The following DEPDC1B variants were observed in gnomAD, a reference collection of about 807,000 sequenced individuals.
The protein encoded by DEPDC1B is DEP domain containing 1B.
DEPDC1B carries 51 observed loss-of-function variants against 66.5 expected under a neutral mutation model. The ratio of observed to expected loss-of-function variants is 0.77; its 90% CI spans 0.61 to 0.97. The LOEUF (loss-of-function observed/expected upper bound fraction) is 0.97, where lower values mean the gene tolerates loss of function less well. Among genes scored for constraint, DEPDC1B ranks in the 50% least tolerant of loss-of-function variants. DEPDC1B has a pLI of 0.00. For missense variants in DEPDC1B, 552 were observed against 637.1 expected, an observed-to-expected ratio of 0.87 and a Z score of 1.44; for synonymous variants, 226 against 223.6, an observed-to-expected ratio of 1.01 and a Z score of -0.10.
chr5:60,660,270 G>C (rs1025958627), intron 2 of DEPDC1B, among the ~76,000 whole-genome samples: 2 of 148,624 alleles, frequency 1.3e-5, no homozygotes, highest in African/African-American at 5.0e-5. Context: ...GAGAGACAGA[G>C]AGAGAGACAG....
chr5:60,615,569 C>G (rs1752529263), intron 7 of DEPDC1B, among the ~76,000 whole-genome samples: 1 of 152,170 alleles, frequency 6.6e-6, no homozygotes, highest in Non-Finnish European at 1.5e-5. Context: ...AGTCTGAGAT[C>G]AAACTGCAAG....
intron 7 of DEPDC1B, among the ~76,000 whole-genome samples, chr5:60,634,675 A>AAAAAAAAT (rs376885269): frequency 2.0e-5 from 3 of 146,458 alleles, no homozygotes; most frequent in African/African-American, 5.1e-5. Flanking sequence ...CTGTCTCAAA[A>AAAAAAAAT]AAATAAATAA....
intron 7 of DEPDC1B, among the ~76,000 whole-genome samples, chr5:60,609,666 G>A (rs1215388269): frequency 6.6e-6 from 1 of 152,144 alleles, no homozygotes; most frequent in Admixed American, 6.5e-5. Context: ...TACTAGATTT[G>A]AACCACAGTT....
chr5:60,599,390 G>T, intron 9 of DEPDC1B, 130 bp from the exon 10 acceptor site: 1 of 541,396 alleles, frequency 1.8e-6, no homozygotes, highest in Non-Finnish European at 2.9e-6. Flanking sequence ...AAATTTGATT[G>T]GGGGAAACTC....
At chr5:60,619,476 G>C (rs1218327430) in intron 7 of DEPDC1B, among the ~76,000 whole-genome samples, 3 of 152,138 alleles carry the variant, frequency 2.0e-5, no homozygotes, top group African/African-American at 7.2e-5. Flanking sequence ...AAAATCACAA[G>C]CATTCTTATA....
chr5:60,655,112 T>G (rs1053267022), intron 2 of DEPDC1B, among the ~76,000 whole-genome samples: 1 of 149,266 alleles, frequency 6.7e-6, no homozygotes, highest in South Asian at 2.2e-4. Context: ...TTTCCTGGTT[T>G]GATATAAGGG....
chr5:60,700,166 C>A lies in DEPDC1B; in HGVS notation c.-73G>T, dbSNP rs771788331. On this transcript the variant is annotated 5_prime_UTR_variant, in exon 1 of 11. Transcript: ENST00000265036. ...CAGCCGGAGGAGCAGCAGTTTGAAT[C>A]CCAAGCCCGCGGGCTGCGGGCGCTG... 402 of 1,471,092 alleles carry A rather than the reference C, an allele frequency of 2.7e-4. 3 individuals carry two copies. The highest frequency in any genetic ancestry group is 6.6e-4 in the Admixed American group (28 of 42,142). The allele number at this position is 1,471,092 out of a possible 1,614,324, so 91.1% of individuals were successfully genotyped here. A position where few individuals can be genotyped will look rare whatever the true frequency, so the allele number is the denominator to read the frequency against.
At chr5:60,641,861 CT>C (rs1457359948) in intron 6 of DEPDC1B, among the ~76,000 whole-genome samples, 1 of 152,142 alleles carries the variant, frequency 6.6e-6, no homozygotes, top group African/African-American at 2.4e-5. Flanking sequence ...AACAGTTAAA[CT>C]CAGAGAACCT....
rs1396911057 is a variant in DEPDC1B at position 60,647,505 on chromosome 5, A to G, written c.343T>C (p.Tyr115His). The change falls in exon 3 of 11, where the codon TAT becomes CAT. Residue 115 changes from tyrosine (Y) to histidine (H), a missense_variant. Tyr to His is a moderately conservative substitution (Grantham distance 83). Coordinates refer to ENST00000265036, the MANE Select transcript of DEPDC1B (RefSeq NM_018369.3). ...TTTTGGTTTGGGGGCTTCTTTGGATATGGTTTCAGGGGTGAAGAAGGAGGA... is the reference window on the plus strand; with the variant it reads ...TTTTGGTTTGGGGGCTTCTTTGGATGTGGTTTCAGGGGTGAAGAAGGAGGA... ...RFPPSSPLKPYPKKPPNQKDV... is the reference protein window; with the variant it reads ...RFPPSSPLKPHPKKPPNQKDV... 3 of 1,612,944 alleles carry G rather than the reference A, an allele frequency of 1.9e-6. No homozygotes were observed. The highest frequency in any genetic ancestry group is 2.5e-6 in the Non-Finnish European group (3 of 1,179,552).
intron 2 of DEPDC1B, among the ~76,000 whole-genome samples, chr5:60,668,625 T>G (rs1753958739): frequency 6.6e-6 from 1 of 151,946 alleles, no homozygotes; most frequent in Non-Finnish European, 1.5e-5. Context: ...AAAACTTCTG[T>G]GAAGAAAGGC....
At chr5:60,604,148 A>G (rs1330139394) in intron 8 of DEPDC1B, among the ~76,000 whole-genome samples, 4 of 150,088 alleles carry the variant, frequency 2.7e-5, no homozygotes, top group African/African-American at 9.7e-5. Context: ...ACTCTCTTTG[A>G]GGCAAGCAGA....
chr5:60,611,768 T>G (rs1752418274), intron 7 of DEPDC1B, among the ~76,000 whole-genome samples: 1 of 152,200 alleles, frequency 6.6e-6, no homozygotes, highest in Non-Finnish European at 1.5e-5. Context: ...GAAGAAAACC[T>G]GGAATCTAGC....
chr5:60,665,799 C>T (rs1414584000), intron 2 of DEPDC1B, among the ~76,000 whole-genome samples: 2 of 152,184 alleles, frequency 1.3e-5, no homozygotes, highest in Non-Finnish European at 2.9e-5. Context: ...GGGCTTGTAA[C>T]TCAGCTCACA....
At chr5:60,660,146 A>G (rs1341962971) in intron 2 of DEPDC1B, among the ~76,000 whole-genome samples, 1 of 151,976 alleles carries the variant, frequency 6.6e-6, no homozygotes, top group Non-Finnish European at 1.5e-5. Flanking sequence ...AAGGAGATAG[A>G]GAGGAGGAGA....
intron 7 of DEPDC1B, among the ~76,000 whole-genome samples, chr5:60,635,985 C>A (rs1385536567): frequency 6.6e-6 from 1 of 152,136 alleles, no homozygotes; most frequent in African/African-American, 2.4e-5. Context: ...AAACAGTCTA[C>A]CCTGCTCCTG....
At chr5:60,667,721 T>TTATATATATATAAAAAATGGATATTA (rs1753891254) in intron 2 of DEPDC1B, among the ~76,000 whole-genome samples, 1 of 121,558 alleles carries the variant, frequency 8.2e-6, no homozygotes, top group Admixed American at 8.8e-5. Flanking sequence ...AATGGATATT[T>TTATATATATATAAAAAATGGATATTA]TACATATATA....
At chr5:60,681,332 A>G (rs946125446) in intron 2 of DEPDC1B, among the ~76,000 whole-genome samples, 33 of 152,086 alleles carry the variant, frequency 2.2e-4, no homozygotes, top group African/African-American at 7.7e-4. Flanking sequence ...ACATCATCAG[A>G]AAAGCCTTGC....
chr5:60,660,320 GGGA>G (rs869163190), intron 2 of DEPDC1B, among the ~76,000 whole-genome samples: 5 of 104,506 alleles, frequency 4.8e-5, no homozygotes, highest in East Asian at 4.4e-4. Flanking sequence ...GACAAAGGGG[GGGA>G]GAGAGAGAGA....
intron 2 of DEPDC1B, among the ~76,000 whole-genome samples, chr5:60,654,885 C>T (rs1482712625): frequency 1.3e-5 from 2 of 148,768 alleles, no homozygotes; most frequent in African/African-American, 5.1e-5. Flanking sequence ...TTGGGATGAT[C>T]ATGATTTTTG....
Sources: allele counts gnomAD v4.1 joint callset (sites outside exome capture counted in the v4.1 genomes callset), GRCh38; gene constraint gnomAD v4.1.1; transcripts MANE v1.5; gene names NCBI Gene and HGNC (gene_info 2026-07-23, HGNC 2026-07-21).